The following SEMA4D variants were observed in gnomAD, a reference collection of about 807,000 sequenced individuals.
The protein encoded by SEMA4D is semaphorin 4D.
A neutral mutation model predicts 74.8 loss-of-function variants in SEMA4D; 22 were observed. That is an observed-to-expected ratio of 0.29 (90% CI 0.21 to 0.42). SEMA4D has a LOEUF of 0.42. SEMA4D is among the 10% of genes least tolerant of loss of function. The pLI is 1.00. For missense variants in SEMA4D, 937 were observed against 1,118.4 expected, an observed-to-expected ratio of 0.84 and a Z score of 2.31; for synonymous variants, 445 against 463.7, an observed-to-expected ratio of 0.96 and a Z score of 0.52.
At chr9:89,392,968 C>T (rs1329015146) in intron 7 of SEMA4D, among the ~76,000 whole-genome samples, 2 of 152,136 alleles carry the variant, frequency 1.3e-5, no homozygotes, top group Non-Finnish European at 2.9e-5. Flanking sequence ...CTCAAGTGAT[C>T]GAGGCATGAG....
intron 1 of SEMA4D, chr9:89,472,219 G>A: frequency 4.2e-6 from 1 of 237,464 alleles, no homozygotes; most frequent in Non-Finnish European, 8.4e-6. Context: ...GTCACTGGTG[G>A]AGGGTAAAGA....
intron 2 of SEMA4D, among the ~76,000 whole-genome samples, chr9:89,408,892 C>G (rs991384076): frequency 1.3e-5 from 2 of 152,212 alleles, no homozygotes; most frequent in Admixed American, 1.3e-4. Context: ...CGTGGCATGT[C>G]CCCCAGCTGG....
At chr9:89,385,112 C>T (rs538392877) in intron 13 of SEMA4D, 3 of 949,784 alleles carry the variant, frequency 3.2e-6, no homozygotes, top group East Asian at 1.2e-4. Context: ...GCCATGTGAC[C>T]GAGTTCTGGG....
At chr9:89,377,109 C>T (rs749895934), downstream of SEMA4D, 62 of 1,486,492 alleles carry the variant, frequency 4.2e-5, no homozygotes, top group East Asian at 5.0e-5. Flanking sequence ...GCCAGGAGCA[C>T]GTCACAGGCC....
intron 16 of SEMA4D, among the ~76,000 whole-genome samples, chr9:89,371,292 G>T (rs1283708317): frequency 1.5e-5 from 2 of 135,482 alleles, no homozygotes; most frequent in African/African-American, 2.8e-5. Flanking sequence ...GTGTGTGACG[G>T]TGTGTGTGTC....
intron 5 of SEMA4D, among the ~76,000 whole-genome samples, chr9:89,398,646 A>G (rs7039832): frequency 0.98 from 148,545 of 152,312 alleles, 72,541 homozygotes; most frequent in Non-Finnish European, 1. Flanking sequence ...TCCATGGAGA[A>G]CAGAGATAAG....
At chr9:89,459,576 G>A (rs1208722513) in intron 1 of SEMA4D, among the ~76,000 whole-genome samples, 1 of 152,134 alleles carries the variant, frequency 6.6e-6, no homozygotes, top group Non-Finnish European at 1.5e-5. Flanking sequence ...TTATCCTCCT[G>A]GAGAGATGAG....
downstream of SEMA4D, among the ~76,000 whole-genome samples, chr9:89,374,156 G>A (rs150978948): frequency 6.6e-5 from 10 of 152,294 alleles, no homozygotes; most frequent in East Asian, 1.9e-3. Flanking sequence ...TAAAGACCAC[G>A]TGAAAAGGGG....
chr9:89,385,458 CT>C (rs750614757), intron 13 of SEMA4D: 33 of 985,310 alleles, frequency 3.3e-5, no homozygotes, highest in Non-Finnish European at 3.7e-5. Context: ...AGCGTCGACC[CT>C]TCAAATCTCC....
In SEMA4D at chr9:89,378,965, C is replaced by T. The variant is rs184125340; in HGVS notation, c.2328G>A (p.Lys776=). 78 of 1,614,128 alleles carry T rather than the reference C, an allele frequency of 4.8e-5. 1 individual carries two copies. In the African/African-American group the frequency reaches 9.7e-4, roughly 20 times the overall value. ...KFRSALLIGK[K]KPKSDFCDRE... is the part of the protein sequence containing the mutation. ...GGTCACAGAAATCTGACTTGGGCTT[C>T]TTCTTCCCAATTAGTAGGGCCGAGC... Residue 776 remains lysine, a synonymous_variant, in exon 16 of 16, where the codon AAG becomes AAA. Transcript: ENST00000422704.
At chr9:89,444,372 G>T (rs981063955) in intron 2 of SEMA4D, among the ~76,000 whole-genome samples, 6 of 152,116 alleles carry the variant, frequency 3.9e-5, no homozygotes. Flanking sequence ...CACAAAGCAC[G>T]TCATCACACA....
chr9:89,446,681 GGCCATCC>G (rs1852949700), intron 2 of SEMA4D, among the ~76,000 whole-genome samples: 2 of 152,160 alleles, frequency 1.3e-5, no homozygotes, highest in African/African-American at 4.8e-5. Context: ...CAGGGGTGTG[GGCCATCC>G]TGGACCCTGG....
intron 2 of SEMA4D, among the ~76,000 whole-genome samples, chr9:89,420,841 T>C (rs1215276078): frequency 6.6e-6 from 1 of 152,258 alleles, no homozygotes; most frequent in African/African-American, 2.4e-5. Context: ...ATACTAATAC[T>C]GCCTGTCTCA....
chr9:89,392,678 C>T (rs916367682), intron 7 of SEMA4D, 142 bp from the exon 8 acceptor site: 2 of 628,534 alleles, frequency 3.2e-6, no homozygotes, highest in Non-Finnish European at 5.7e-6. Flanking sequence ...ACAGTCTCCT[C>T]AACTTTTGGG....
chr9:89,405,498 C>T lies in SEMA4D; in HGVS notation c.-42G>A, dbSNP rs200319200. ...CAGGGGCTTCAGCAGCAAAGGCTCA[C>T]GGCAGCAGGTGGCCGGGCAGGTGTG... On this transcript the variant is annotated 5_prime_UTR_variant, in exon 3 of 16. It adds an upstream start codon to the 5' untranslated region. Transcript: ENST00000422704. 31 of 1,608,104 alleles carry T rather than the reference C, an allele frequency of 1.9e-5. No individual in the cohort carries two copies. Among genetic ancestry groups the T allele is most frequent in the East Asian group, 2.2e-5 (1 of 44,808 alleles).
intron 17 of SEMA4D, chr9:89,363,719 A>G: frequency 6.2e-7 from 1 of 1,607,906 alleles, no homozygotes; most frequent in Non-Finnish European, 8.5e-7. Context: ...AAAGGGTAAC[A>G]GTGGGCATGG....
chr9:89,450,545 C>T (rs1854123309), intron 2 of SEMA4D: 3 of 1,100,608 alleles, frequency 2.7e-6, no homozygotes, highest in South Asian at 2.5e-5. Flanking sequence ...TGCCCAATGG[C>T]CCCATGCAGA....
chr9:89,454,266 C>G (rs775661688), intron 2 of SEMA4D, among the ~76,000 whole-genome samples: 3 of 152,162 alleles, frequency 2.0e-5, no homozygotes, highest in Non-Finnish European at 4.4e-5. Flanking sequence ...CTTACATATC[C>G]TGCCTCTTAC....
chr9:89,392,663 G>T, intron 7 of SEMA4D, 127 bp from the exon 8 acceptor site: 1 of 649,122 alleles, frequency 1.5e-6, no homozygotes, highest in Non-Finnish European at 2.8e-6. Context: ...TGGGGAAAGG[G>T]AAAGACAGTC....
Sources: gnomAD v4.1 joint callset for allele counts (sites outside exome capture counted in the v4.1 genomes callset) on GRCh38, gnomAD v4.1.1 for gene constraint, MANE v1.5 for transcripts, NCBI Gene and HGNC (gene_info 2026-07-23, HGNC 2026-07-21) for gene names.